Variants in HYAL1 observed in about 807,000 individuals in gnomAD.
The protein encoded by HYAL1 is hyaluronidase 1, also known as hyaluronidase-1.
A neutral mutation model predicts 28.8 loss-of-function variants in HYAL1; 21 were observed. That is an observed-to-expected ratio of 0.73 (90% confidence interval 0.52 to 1.05). The LOEUF (loss-of-function observed/expected upper bound fraction) is 1.05, where lower values mean the gene tolerates loss of function less well. Among genes scored for constraint, HYAL1 ranks in the 50% least tolerant of loss-of-function variants. The pLI, the probability that HYAL1 is intolerant of heterozygous loss-of-function variation, is 0.00. For synonymous variants in HYAL1, 200 were observed against 230.1 expected (o/e 0.87, Z 1.18); for missense variants, 491 against 579.2 (o/e 0.85, Z 1.56).
chr3:50,304,296 A>AAAAATATATATATAT (rs1553713686), upstream of HYAL1, among the ~76,000 whole-genome samples: 1 of 30,476 alleles, frequency 3.3e-5, no homozygotes, highest in Non-Finnish European at 6.1e-5. Context: ...AAAAAAAAAA[A>AAAAATATATATATAT]ATATATATAT....
upstream of HYAL1, among the ~76,000 whole-genome samples, chr3:50,305,952 G>C (rs1174079831): frequency 6.6e-6 from 1 of 151,494 alleles, no homozygotes; most frequent in Non-Finnish European, 1.5e-5. Context: ...TGTCTTGGAT[G>C]CATCTTCAAC....
At chr3:50,300,939 T>TGGGGGGGGGGCGGGGG in intron 3 of HYAL1, 49 bp downstream of exon 3, 1 of 959,410 alleles carries the variant, frequency 1.0e-6, no homozygotes, top group Non-Finnish European at 1.7e-6. Flanking sequence ...GTCAGCTTAA[T>TGGGGGGGGGGCGGGGG]GGCCCCACCC....
intron 3 of HYAL1, 63 bp downstream of exon 3, chr3:50,300,925 C>A: frequency 6.7e-7 from 1 of 1,495,298 alleles, no homozygotes. Flanking sequence ...TCAGGGTCTA[C>A]CCCGTCAGCT....
At chr3:50,300,863 C>CT in intron 3 of HYAL1, 63 bp from the exon 4 acceptor site, 1 of 1,565,974 alleles carries the variant, frequency 6.4e-7, no homozygotes, top group Non-Finnish European at 8.7e-7. Context: ...ACCCAGGGCA[C>CT]TGAGGCACTC....
At chr3:50,309,351 C>G (rs1702401820) in intron 2 of HYAL1, among the ~76,000 whole-genome samples, 1 of 149,650 alleles carries the variant, frequency 6.7e-6, no homozygotes, top group South Asian at 2.1e-4. Context: ...GTAATCCCAG[C>G]TACTCCAGAG....
At chr3:50,308,771 C>T (rs1702389529) in intron 2 of HYAL1, among the ~76,000 whole-genome samples, 1 of 135,504 alleles carries the variant, frequency 7.4e-6, no homozygotes, top group African/African-American at 2.9e-5. Flanking sequence ...CACTCTGTCA[C>T]CCAGGCTGGA....
In HYAL1 at chr3:50,300,987, C is replaced by G. The variant is rs1553712720; in HGVS notation, c.990+1G>C. On this transcript the variant is annotated splice_donor_variant, in intron 3 of 3. Transcript: ENST00000395144. LOFTEE classifies it high-confidence loss of function. ...CACCCTCATGCCAGGCCTAAGCTCA[C>G]CTTGGTTCTTGTATTTTCCCAGCTC... 1 of 1,459,072 alleles carries G rather than the reference C, an allele frequency of 6.9e-7. No homozygotes were observed. Among genetic ancestry groups the G allele is most frequent in the South Asian group, 1.1e-5 (1 of 88,134 alleles). The allele number at this position is 1,459,072 out of a possible 1,614,324, so 90.4% of individuals were successfully genotyped here. A position where few individuals can be genotyped will look rare whatever the true frequency, so the allele number is the denominator to read the frequency against.
In HYAL1 at chr3:50,300,557, T is replaced by G; in HGVS notation, c.1234A>C (p.Met412Leu). 6.2e-7 allele frequency: 1 copy of G among 1,614,208 alleles called. No individual in the cohort carries two copies. The highest frequency in any genetic ancestry group is 8.5e-7 in the Non-Finnish European group (1 of 1,180,034). The change falls in exon 4 of 4, where the codon ATG becomes CTG. Residue 412 changes from methionine (M) to leucine (L), a missense_variant. Transcript: ENST00000395144. ...GALSLEDQAQ[M>L]AVEFKCRCYP... is the part of the protein sequence containing the mutation. The stretch of plus-strand genomic sequence containing the variant: ...CATCGACATTTGAACTCCACAGCCA[T>G]CTGTGCCTGATCTTCAAGTGAGAGG...
Position 50,300,312 on chromosome 3 carries a change from T to C in HYAL1, c.*171A>G. 1.4e-6 allele frequency: 1 copy of C among 693,852 alleles called. No individual in the cohort carries two copies. Among genetic ancestry groups the C allele is most frequent in the East Asian group, 2.7e-5 (1 of 36,894 alleles). 43.0% of individuals were successfully genotyped at this position (693,852 alleles called of 1,614,324 possible). A position where few individuals can be genotyped will look rare whatever the true frequency, so the allele number is the denominator to read the frequency against. ...CTGTGGTTCTAACTCCTTATGCCAC[T>C]ATTCCAGTCTGTAAGTATGCATGTG... On this transcript the variant is annotated 3_prime_UTR_variant, in exon 4 of 4. Coordinates refer to ENST00000395144, the MANE Select transcript of HYAL1 (RefSeq NM_033159.4).
upstream of HYAL1, among the ~76,000 whole-genome samples, chr3:50,308,129 G>A (rs1047958329): frequency 4.7e-5 from 7 of 149,114 alleles, 1 homozygote; most frequent in African/African-American, 1.5e-4. Context: ...TCAAGTTGTC[G>A]TATACTTTTT....
chr3:50,304,142 C>CT (rs1681448303), upstream of HYAL1: 1 of 150,446 alleles, frequency 6.6e-6, no homozygotes, highest in South Asian at 2.1e-4. Flanking sequence ...TGGCAGGCGC[C>CT]TGTAATCCCA....
At chr3:50,311,017 G>A (rs1285728881) in intron 1 of HYAL1, among the ~76,000 whole-genome samples, 2 of 152,144 alleles carry the variant, frequency 1.3e-5, no homozygotes, top group African/African-American at 4.8e-5. Flanking sequence ...CACAGACATG[G>A]CAACCATCCG....
upstream of HYAL1, among the ~76,000 whole-genome samples, chr3:50,304,299 ATATATATATATATATAT>A (rs1559822640): frequency 7.7e-3 from 214 of 27,824 alleles, 15 homozygotes; most frequent in Non-Finnish European, 0.01. Flanking sequence ...AAAAAAAAAT[ATATATATATATATATAT>A]ATATATATAT....
Position 50,302,136 on chromosome 3 carries a change from A to G in HYAL1, c.821T>C (p.Val274Ala). ...CGGCAGATTGGGGTCACCAGCAGCC[A>G]CAGCCACACGGAATGCCTCGGCCAC... ...HRVAEAFRVA[V>A]AAGDPNLPVL... The change falls in exon 2 of 4, where the codon GTG becomes GCG. Residue 274 changes from valine (V) to alanine (A), a missense_variant. Coordinates refer to ENST00000395144, the MANE Select transcript of HYAL1 (RefSeq NM_033159.4). This position sits in a 1 kb window ranked among gnomAD's most constrained non-coding sequence, Gnocchi z 5.0. 1 of 1,614,164 alleles carries G rather than the reference A, an allele frequency of 6.2e-7. No homozygotes were observed. The highest frequency in any genetic ancestry group is 8.5e-7 in the Non-Finnish European group (1 of 1,179,986).
In HYAL1 at chr3:50,302,518, A is replaced by G. The variant is rs782563151; in HGVS notation, c.439T>C (p.Tyr147His). The G allele has an allele frequency of 1.2e-6, 2 of 1,614,044 alleles. No homozygotes were observed. Among genetic ancestry groups the G allele is most frequent in the South Asian group, 2.2e-5 (2 of 91,086 alleles). The part of the protein sequence containing the change: ...WAFNWDTKDI[Y>H]RQRSRALVQA... ...ACCAGTGCCCGTGAGCGCTGCCGGTAAATGTCCTTGGTGTCCCAGTTGAAG... is the reference window on the plus strand; with the variant it reads ...ACCAGTGCCCGTGAGCGCTGCCGGTGAATGTCCTTGGTGTCCCAGTTGAAG... Residue 147 changes from tyrosine to histidine, a missense_variant, in exon 2 of 4, where the codon TAC (tyrosine) becomes CAC (histidine). Tyr to His is a moderately conservative substitution (Grantham distance 83). Coordinates refer to ENST00000395144, the MANE Select transcript of HYAL1 (RefSeq NM_033159.4). The surrounding 1 kb of genome is among the most constrained non-coding windows in gnomAD (Gnocchi z 5.0).
chr3:50,310,743 C>T (rs1341404994), intron 1 of HYAL1, among the ~76,000 whole-genome samples: 9 of 150,536 alleles, frequency 6.0e-5, no homozygotes, highest in Admixed American at 2.7e-4. Context: ...CAGAGGACCC[C>T]ACGGCCTTCC....
intron 1 of HYAL1, among the ~76,000 whole-genome samples, chr3:50,310,908 G>A (rs1702432484): frequency 6.6e-6 from 1 of 151,776 alleles, no homozygotes; most frequent in Admixed American, 6.6e-5. Flanking sequence ...AGAGAGCACA[G>A]GGTTGGGGGT....
intron 2 of HYAL1, among the ~76,000 whole-genome samples, chr3:50,301,647 G>A (rs1445867226): frequency 6.8e-6 from 1 of 147,902 alleles, no homozygotes; most frequent in East Asian, 2.0e-4. Context: ...ATGAATGAAT[G>A]GATGAAAATG....
upstream of HYAL1, among the ~76,000 whole-genome samples, chr3:50,304,296 A>AAAAAAAAAAAAAAAAAATATAT (rs1553713686): frequency 3.3e-5 from 1 of 30,480 alleles, no homozygotes; most frequent in Non-Finnish European, 6.1e-5. Context: ...AAAAAAAAAA[A>AAAAAAAAAAAAAAAAAATATAT]ATATATATAT....
Sources: allele counts gnomAD v4.1 joint callset (sites outside exome capture counted in the v4.1 genomes callset), GRCh38; gene constraint gnomAD v4.1.1; non-coding constraint Gnocchi (gnomAD v3.1); transcripts MANE v1.5; gene names NCBI Gene and HGNC (gene_info 2026-07-23, HGNC 2026-07-21).